The following TAFA2 variants were observed in gnomAD, a reference collection of about 807,000 sequenced individuals.
TAFA2 encodes the protein chemokine-like protein TAFA-2.
A neutral mutation model predicts 18.8 loss-of-function variants in TAFA2; 7 were observed. The ratio of observed to expected loss-of-function variants is 0.37; its 90% CI spans 0.21 to 0.70. The LOEUF (loss-of-function observed/expected upper bound fraction) is 0.70. Ranked by LOEUF, TAFA2 falls within the 30% of genes least tolerant of loss-of-function variation. The pLI is 0.53. For synonymous variants in TAFA2, 60 were observed against 54.2 expected, an observed-to-expected ratio of 1.11 and a Z score of -0.47; for missense variants, 122 against 158.1, an observed-to-expected ratio of 0.77 and a Z score of 1.23.
At chr12:61,910,097 TGTTTG>T (rs1876538964) in intron 1 of TAFA2, among the ~76,000 whole-genome samples, 4 of 93,800 alleles carry the variant, frequency 4.3e-5, no homozygotes, top group African/African-American at 1.3e-4. Context: ...TGTGTGTGTG[TGTTTG>T]TGTGTGTGTG....
chr12:61,912,236 A>C (rs1182370524), intron 1 of TAFA2, among the ~76,000 whole-genome samples: 1 of 152,178 alleles, frequency 6.6e-6, no homozygotes, highest in Non-Finnish European at 1.5e-5. Flanking sequence ...ATAACATGCT[A>C]TTTATGCTGA....
chr12:62,225,538 GA>G (rs939963227), intron 1 of TAFA2, among the ~76,000 whole-genome samples: 1 of 151,654 alleles, frequency 6.6e-6, no homozygotes, highest in Admixed American at 6.6e-5. Flanking sequence ...TTAAATACAT[GA>G]AAAAAACCCA....
intron 1 of TAFA2, among the ~76,000 whole-genome samples, chr12:61,970,013 A>C (rs1440165317): frequency 6.6e-6 from 1 of 151,698 alleles, no homozygotes; most frequent in African/African-American, 2.4e-5. Flanking sequence ...CAGTCATAAT[A>C]AGAGGCCTAG....
At chr12:62,033,664 G>T (rs1881522355) in intron 1 of TAFA2, among the ~76,000 whole-genome samples, 1 of 151,998 alleles carries the variant, frequency 6.6e-6, no homozygotes, top group Non-Finnish European at 1.5e-5. Flanking sequence ...CATGATGTAT[G>T]TCACCAACCC....
rs116940609 is a variant in TAFA2, at chr12:61,782,235, C to T, written c.107-27211G>A. ...GAGAAGAGGGGAGCCAAACATGGTT[C>T]GTTATACCCGCCTCCCTTTGGAATT... On this transcript the variant is annotated intron_variant, in intron 2 of 4. Coordinates refer to ENST00000416284, the MANE Select transcript of TAFA2 (RefSeq NM_178539.5). Among the ~76,000 whole-genome samples, 31 of 151,738 alleles carry T rather than the reference C, an allele frequency of 2.0e-4. No homozygotes were observed. In the East Asian group the frequency reaches 5.5e-3, roughly 27 times the overall value.
At chr12:61,758,986 T>C (rs964498611) in intron 2 of TAFA2, among the ~76,000 whole-genome samples, 11 of 151,996 alleles carry the variant, frequency 7.2e-5, no homozygotes, top group African/African-American at 2.4e-4. Flanking sequence ...GGCTCTGTTC[T>C]CTTTCATGGT....
chr12:62,212,136 C>A (rs554519551), intron 1 of TAFA2, among the ~76,000 whole-genome samples: 1 of 152,228 alleles, frequency 6.6e-6, no homozygotes, highest in East Asian at 1.9e-4. Context: ...TACAGCAAAT[C>A]AGGGAAAAGC....
At chr12:62,203,812 T>C (rs2062681432) in intron 1 of TAFA2, among the ~76,000 whole-genome samples, 2 of 152,220 alleles carry the variant, frequency 1.3e-5, no homozygotes, top group African/African-American at 4.8e-5. Flanking sequence ...TGTTTTTTAA[T>C]TGGGGCATTT....
intron 1 of TAFA2, among the ~76,000 whole-genome samples, chr12:61,886,499 C>T (rs927083747): frequency 6.6e-6 from 1 of 152,162 alleles, no homozygotes; most frequent in Non-Finnish European, 1.5e-5. Context: ...CATAAGAATA[C>T]TCTGGGCTGT....
chr12:62,077,800 A>G (rs1868261361), intron 1 of TAFA2, among the ~76,000 whole-genome samples: 1 of 152,116 alleles, frequency 6.6e-6, no homozygotes, highest in Admixed American at 6.6e-5. Flanking sequence ...ACTGGCACCA[A>G]TATGTTAATT....
intron 2 of TAFA2, among the ~76,000 whole-genome samples, chr12:61,848,306 T>G (rs1460768529): frequency 6.6e-6 from 1 of 152,212 alleles, no homozygotes; most frequent in African/African-American, 2.4e-5. Context: ...TCTTTAAAAG[T>G]TTATTAAGTG....
At chr12:62,180,241 A>G (rs2062543060) in intron 1 of TAFA2, among the ~76,000 whole-genome samples, 1 of 152,220 alleles carries the variant, frequency 6.6e-6, no homozygotes, top group African/African-American at 2.4e-5. Context: ...AAGAATAGAT[A>G]CATCTTTTTC....
In TAFA2 at chr12:61,763,427, A is replaced by G. The variant is rs149345268; in HGVS notation, c.107-8403T>C. On this transcript the variant is annotated intron_variant, in intron 2 of 4. Transcript: ENST00000416284. ...CGACAAAACAAAGGGAGATTCACTCATGGGATAATGCTTAGATTCTTTGCC... is the reference window on the plus strand; with the variant it reads ...CGACAAAACAAAGGGAGATTCACTCGTGGGATAATGCTTAGATTCTTTGCC... Among the ~76,000 whole-genome samples the G allele has an allele frequency of 1.2e-3, 184 of 152,140 alleles. 1 individual carries two copies. The highest frequency in any genetic ancestry group is 3.8e-3 in the African/African-American group (159 of 41,544).
chr12:61,836,815 T>C lies in TAFA2; in HGVS notation c.106+30505A>G, dbSNP rs187763359. ...TTATAATATACTTTTAGGAAATTAA[T>C]AGTGAAATTGAACCAGTGTTTACAT... On this transcript the variant is annotated intron_variant, in intron 2 of 4. Coordinates refer to ENST00000416284, the MANE Select transcript of TAFA2 (RefSeq NM_178539.5). Among the ~76,000 whole-genome samples the C allele has an allele frequency of 7.9e-3, 1,173 of 148,668 alleles. 10 individuals are homozygous for C. Among genetic ancestry groups the C allele is most frequent in the Non-Finnish European group, 0.013 (843 of 67,016 alleles).
At chr12:61,736,504 A>G (rs1453504665) in intron 4 of TAFA2, among the ~76,000 whole-genome samples, 1 of 152,064 alleles carries the variant, frequency 6.6e-6, no homozygotes, top group Non-Finnish European at 1.5e-5. Context: ...TTCTGCCTGC[A>G]TAGTACTTCT....
intron 2 of TAFA2, among the ~76,000 whole-genome samples, chr12:61,810,583 A>G (rs1871824312): frequency 6.6e-6 from 1 of 151,336 alleles, no homozygotes; most frequent in Non-Finnish European, 1.5e-5. Context: ...ATAGCTATCT[A>G]TCTCGCAAAG....
chr12:61,908,114 G>A (rs1023030625), intron 1 of TAFA2, among the ~76,000 whole-genome samples: 4 of 152,064 alleles, frequency 2.6e-5, no homozygotes, highest in African/African-American at 2.4e-5. Context: ...AGACTTTGGG[G>A]GACTGTTGGG....
chr12:62,222,343 C>T (rs1468998318), intron 1 of TAFA2, among the ~76,000 whole-genome samples: 1 of 152,020 alleles, frequency 6.6e-6, no homozygotes, highest in African/African-American at 2.4e-5. Flanking sequence ...AGAACCAGTG[C>T]AGGATCTAAT....
chr12:61,841,993 C>G (rs996712656), intron 2 of TAFA2, among the ~76,000 whole-genome samples: 1 of 151,942 alleles, frequency 6.6e-6, no homozygotes, highest in East Asian at 1.9e-4. Flanking sequence ...GATTGGAGTT[C>G]CTTGCCACTC....
Sources: allele counts gnomAD v4.1 joint callset (sites outside exome capture counted in the v4.1 genomes callset), GRCh38; gene constraint gnomAD v4.1.1; transcripts MANE v1.5; gene names NCBI Gene and HGNC (gene_info 2026-07-23, HGNC 2026-07-21).